NRG3: variants seen among roughly 807,000 people sequenced by gnomAD.
NRG3 encodes neuregulin 3.
NRG3 carries 31 observed loss-of-function variants against 66.9 expected under a neutral mutation model. The ratio of observed to expected loss-of-function variants is 0.46; its 90% CI spans 0.35 to 0.63. The LOEUF (loss-of-function observed/expected upper bound fraction) is 0.63, where lower values mean the gene tolerates loss of function less well. NRG3 is among the 20% of genes least tolerant of loss of function. The pLI, the probability that NRG3 is intolerant of heterozygous loss-of-function variation, is 0.00. For synonymous variants in NRG3, 393 were observed against 359.4 expected (o/e 1.09, Z -1.06); for missense variants, 910 against 878.9 (o/e 1.04, Z -0.45).
At chr10:82,061,609 C>T (rs1004519838) in intron 1 of NRG3, among the ~76,000 whole-genome samples, 2 of 152,094 alleles carry the variant, frequency 1.3e-5, no homozygotes, top group Non-Finnish European at 1.5e-5. Context: ...GGCTTTCTAC[C>T]AGTTTCCTTT....
intron 2 of NRG3, among the ~76,000 whole-genome samples, chr10:82,583,078 T>A (rs2046457503): frequency 1.3e-5 from 2 of 152,124 alleles, no homozygotes; most frequent in African/African-American, 2.4e-5. Flanking sequence ...GAAAGAAATG[T>A]TTCAATGGTT....
intron 3 of NRG3, among the ~76,000 whole-genome samples, chr10:82,834,118 A>G (rs560439580): frequency 1.3e-5 from 2 of 152,188 alleles, no homozygotes; most frequent in East Asian, 3.9e-4. Context: ...AGCATTCTAT[A>G]TTTGCTCTCA....
At chr10:82,477,791 C>G (rs1369893642) in intron 2 of NRG3, among the ~76,000 whole-genome samples, 2 of 152,052 alleles carry the variant, frequency 1.3e-5, no homozygotes, top group African/African-American at 4.8e-5. Flanking sequence ...ACCGAGGGGA[C>G]AGGAATGGAA....
chr10:82,127,451 A>G (rs2068521238), intron 1 of NRG3, among the ~76,000 whole-genome samples: 1 of 152,050 alleles, frequency 6.6e-6, no homozygotes, highest in African/African-American at 2.4e-5. Context: ...GAGTTCCAGG[A>G]CAATGTTCAG....
At chr10:82,780,480 C>CTTTTTTTTTTTTTTTTT (rs150086019) in intron 3 of NRG3, among the ~76,000 whole-genome samples, 13 of 106,054 alleles carry the variant, frequency 1.2e-4, no homozygotes, top group East Asian at 2.8e-4. Flanking sequence ...TTTTTCTTTT[C>CTTTTTTTTTTTTTTTTT]TTTTTTTTTT....
At chr10:82,605,507 T>C (rs1394267084) in intron 2 of NRG3, among the ~76,000 whole-genome samples, 1 of 152,038 alleles carries the variant, frequency 6.6e-6, no homozygotes, top group East Asian at 1.9e-4. Context: ...TTTTATATAT[T>C]TGTAAGAAAT....
At chr10:82,042,203 A>T (rs1291405300) in intron 1 of NRG3, among the ~76,000 whole-genome samples, 3 of 152,006 alleles carry the variant, frequency 2.0e-5, no homozygotes, top group Admixed American at 1.3e-4. Flanking sequence ...TTTTAAAAAA[A>T]TTTGAGTATA....
intron 3 of NRG3, among the ~76,000 whole-genome samples, chr10:82,794,957 C>T (rs2060736503): frequency 1.3e-5 from 2 of 152,182 alleles, no homozygotes; most frequent in African/African-American, 4.8e-5. Flanking sequence ...ACCAAAAGTT[C>T]ACATTTCTTC....
intron 2 of NRG3, among the ~76,000 whole-genome samples, chr10:82,481,523 TTACTC>T (rs1240842125): frequency 1.3e-5 from 2 of 152,172 alleles, no homozygotes; most frequent in African/African-American, 4.8e-5. Context: ...GTCAAAATGA[TTACTC>T]TATTTAATTA....
chr10:82,336,160 C>T (rs886472332), intron 1 of NRG3, among the ~76,000 whole-genome samples: 2 of 151,928 alleles, frequency 1.3e-5, no homozygotes, highest in African/African-American at 2.4e-5. Flanking sequence ...GTGAAGGGTT[C>T]GCCAGGGAGG....
intron 3 of NRG3, among the ~76,000 whole-genome samples, chr10:82,769,824 G>A (rs1263054456): frequency 1.3e-5 from 2 of 151,854 alleles, no homozygotes; most frequent in African/African-American, 2.4e-5. Context: ...CATTTTTTGT[G>A]TACACGCTCA....
Position 82,766,603 on chromosome 10 carries a change from G to A in NRG3, c.1027+27953G>A, listed in dbSNP as rs545031779. 2.0e-5 allele frequency among the ~76,000 whole-genome samples: 3 copies of A among 152,214 alleles called. No homozygotes were observed. In the East Asian group the frequency reaches 5.8e-4, roughly 29 times the overall value. On this transcript the variant is annotated intron_variant, in intron 3 of 8. Transcript: ENST00000372141. Reference sequence around the variant, plus strand: ...TTTCTCTTATCCTTTCTGTGGTCTTGCTAGTGGGGATGGAGTGTGGGTAGA... The same window carrying A: ...TTTCTCTTATCCTTTCTGTGGTCTTACTAGTGGGGATGGAGTGTGGGTAGA...
chr10:82,815,535 G>A (rs1380179549), intron 3 of NRG3, among the ~76,000 whole-genome samples: 2 of 152,056 alleles, frequency 1.3e-5, no homozygotes, highest in African/African-American at 4.8e-5. Flanking sequence ...TTTCCCCCAT[G>A]TGGCTAGAAC....
intron 1 of NRG3, among the ~76,000 whole-genome samples, chr10:81,895,067 C>T (rs1843392995): frequency 1.3e-5 from 2 of 152,154 alleles, no homozygotes; most frequent in African/African-American, 4.8e-5. Context: ...CCCTTGGGCT[C>T]ACAGTCTTCT....
At chr10:82,587,730 T>G (rs1446157617) in intron 2 of NRG3, among the ~76,000 whole-genome samples, 1 of 152,202 alleles carries the variant, frequency 6.6e-6, no homozygotes, top group Non-Finnish European at 1.5e-5. Context: ...ACAGGGGTTC[T>G]CTGTTTAGAG....
At chr10:82,066,406 A>T (rs1340694290) in intron 1 of NRG3, among the ~76,000 whole-genome samples, 1 of 152,202 alleles carries the variant, frequency 6.6e-6, no homozygotes, top group South Asian at 2.1e-4. Context: ...ATTTGTAGAC[A>T]TGCCTATGGG....
intron 1 of NRG3, among the ~76,000 whole-genome samples, chr10:82,001,505 G>GA (rs1287072616): frequency 2.7e-5 from 4 of 148,100 alleles, no homozygotes; most frequent in Non-Finnish European, 4.5e-5. Context: ...TCCATCTGAG[G>GA]AAAAAAAAGA....
chr10:82,288,435 T>A (rs1368533391), intron 1 of NRG3, among the ~76,000 whole-genome samples: 1 of 152,106 alleles, frequency 6.6e-6, no homozygotes, highest in East Asian at 1.9e-4. Flanking sequence ...TCCTGGGCTG[T>A]AGAGGGCTGG....
chr10:82,808,023 T>A (rs1252690738), intron 3 of NRG3, among the ~76,000 whole-genome samples: 2 of 152,108 alleles, frequency 1.3e-5, no homozygotes, highest in Admixed American at 6.6e-5. Flanking sequence ...CTCCAATAAA[T>A]TGACTCCCAT....
Sources: allele counts gnomAD v4.1 joint callset (sites outside exome capture counted in the v4.1 genomes callset), GRCh38; gene constraint gnomAD v4.1.1; transcripts MANE v1.5; gene names NCBI Gene and HGNC (gene_info 2026-07-23, HGNC 2026-07-21).